Variants in VPS39 observed in about 807,000 individuals in gnomAD.
VPS39 encodes the protein vam6/Vps39-like protein.
A neutral mutation model predicts 121.0 loss-of-function variants in VPS39; 70 were observed. That is an observed-to-expected ratio of 0.58 (90% CI 0.48 to 0.71). The LOEUF is 0.71. Ranked by LOEUF, VPS39 falls within the 30% of genes least tolerant of loss-of-function variation. The pLI, the probability that VPS39 is intolerant of heterozygous loss-of-function variation, is 0.00. For synonymous variants in VPS39, 378 were observed against 398.1 expected, an observed-to-expected ratio of 0.95 and a Z score of 0.60; for missense variants, 818 against 1,051.5, an observed-to-expected ratio of 0.78 and a Z score of 3.07.
chr15:42,166,672 A>G, intron 14 of VPS39, 23 bp from the exon 15 acceptor site: 1 of 1,614,088 alleles, frequency 6.2e-7, no homozygotes. Flanking sequence ...CCCAAGAACA[A>G]GGTCATGAGC....
chr15:42,183,483 T>C (rs2049632514), intron 8 of VPS39, among the ~76,000 whole-genome samples: 1 of 152,158 alleles, frequency 6.6e-6, no homozygotes, highest in South Asian at 2.1e-4. Context: ...ATCTACCAAC[T>C]GGCCCTATTT....
At chr15:42,204,625 G>T (rs1273395662) in intron 1 of VPS39, among the ~76,000 whole-genome samples, 1 of 151,996 alleles carries the variant, frequency 6.6e-6, no homozygotes, top group Non-Finnish European at 1.5e-5. Flanking sequence ...ACTTCAGCCT[G>T]GGCGACAGAG....
At chr15:42,168,125 AT>A (rs1457733685) in intron 12 of VPS39, among the ~76,000 whole-genome samples, 1 of 152,190 alleles carries the variant, frequency 6.6e-6, no homozygotes, top group Non-Finnish European at 1.5e-5. Context: ...CTAGAACTTC[AT>A]CCAGTATGTA....
rs2140873541 is a variant in VPS39 at position 42,187,747 on chromosome 15, A to G, written c.441+11T>C. 1 of 1,613,950 alleles carries G rather than the reference A, an allele frequency of 6.2e-7. No homozygotes were observed. The highest frequency in any genetic ancestry group is 8.5e-7 in the Non-Finnish European group (1 of 1,179,814). ...CCCACCCAACCATGGACCAAGGAAC[A>G]GTGGACTTACCTGCAATTCATGAAA... On this transcript the variant is annotated intron_variant, in intron 6 of 24. Coordinates refer to ENST00000318006, the MANE Select transcript of VPS39 (RefSeq NM_015289.5).
chr15:42,196,061 G>C (rs2049930274), intron 2 of VPS39, among the ~76,000 whole-genome samples: 1 of 152,148 alleles, frequency 6.6e-6, no homozygotes. Flanking sequence ...ACAAAAACAA[G>C]AAATGGGGAA....
intron 10 of VPS39, among the ~76,000 whole-genome samples, chr15:42,177,547 T>G (rs1030013769): frequency 6.6e-6 from 1 of 152,264 alleles, no homozygotes; most frequent in Non-Finnish European, 1.5e-5. Flanking sequence ...GGTCCTCTAG[T>G]TGTTGCATTC....
intron 2 of VPS39, among the ~76,000 whole-genome samples, chr15:42,193,188 G>T (rs186120286): frequency 8.5e-4 from 129 of 152,094 alleles, no homozygotes; most frequent in South Asian, 2.7e-3. Flanking sequence ...GAACTTTTTT[G>T]GGGGTTATAT....
rs140172009 is a variant in VPS39, at chr15:42,165,067, T to G, written c.1826A>C (p.Asn609Thr). The G allele has an allele frequency of 2.2e-5, 35 of 1,614,094 alleles. No individual in the cohort carries two copies. The highest frequency in any genetic ancestry group is 2.7e-5 in the Non-Finnish European group (32 of 1,180,052). ...VWEETGSRFH[N>T]CLIQLYCEKV... ...CTCACAGTATAGCTGGATCAGGCAG[T>G]TGTGGAACCGAGAGCCTGTCTCCTC... is the stretch of plus-strand genomic sequence containing the variant. The change falls in exon 18 of 25, where the codon AAC becomes ACC. Residue 609 changes from asparagine (N) to threonine (T), a missense_variant. Physicochemically the swap from Asn to Thr is moderately conservative, Grantham distance 65. Transcript: ENST00000318006.
chr15:42,163,342 C>T lies in VPS39; in HGVS notation c.2175+8G>A. 6.2e-7 allele frequency: 1 copy of T among 1,614,210 alleles called. No individual in the cohort carries two copies. Among genetic ancestry groups the T allele is most frequent in the South Asian group, 1.1e-5 (1 of 91,088 alleles). Reference sequence around the variant, plus strand: ...ACACGTGCTCCCTGGGTCAGGGTCACTACTCACATCTTTGTTGCCATCTTT... The same window carrying T: ...ACACGTGCTCCCTGGGTCAGGGTCATTACTCACATCTTTGTTGCCATCTTT... On this transcript the variant is annotated splice_region_variant and intron_variant, in intron 21 of 24. Coordinates refer to ENST00000318006, the MANE Select transcript of VPS39 (RefSeq NM_015289.5).
chr15:42,192,679 T>TA (rs1457878332), intron 2 of VPS39, among the ~76,000 whole-genome samples: 4 of 152,178 alleles, frequency 2.6e-5, no homozygotes, highest in Non-Finnish European at 5.9e-5. Flanking sequence ...ATTCTGCTGT[T>TA]ACATTTCATG....
chr15:42,199,434 G>A, intron 2 of VPS39: 1 of 295,160 alleles, frequency 3.4e-6, no homozygotes, highest in South Asian at 2.7e-5. Context: ...CGCAGCCAGG[G>A]GGAAGTGCAC....
intron 18 of VPS39, 23 bp downstream of exon 18, chr15:42,164,973 C>T (rs763412430): frequency 5.0e-6 from 8 of 1,613,864 alleles, no homozygotes; most frequent in East Asian, 2.2e-5. Context: ...TGGGGCCAAC[C>T]GGCTTCCTAA....
chr15:42,202,035 C>T, intron 1 of VPS39, among the ~76,000 whole-genome samples: 1 of 152,148 alleles, frequency 6.6e-6, no homozygotes, highest in East Asian at 1.9e-4. Flanking sequence ...TATAACTTTT[C>T]CAGAGTCACA....
chr15:42,167,312 T>C, intron 13 of VPS39, 82 bp downstream of exon 13: 152 of 1,515,748 alleles, frequency 1.0e-4, no homozygotes, highest in Admixed American at 6.1e-4. Context: ...GGCAGGTCCC[T>C]CAGGGTCTAG....
chr15:42,180,789 T>C (rs1459540620), intron 8 of VPS39, among the ~76,000 whole-genome samples: 5 of 152,174 alleles, frequency 3.3e-5, no homozygotes, highest in Non-Finnish European at 7.3e-5. Context: ...CTGTGCTATA[T>C]CAAGAATCCG....
chr15:42,191,986 C>G (rs1219321335), intron 2 of VPS39: 3 of 1,479,008 alleles, frequency 2.0e-6, no homozygotes, highest in African/African-American at 1.4e-5. Flanking sequence ...ACTATTCTAA[C>G]TAAGTTCTGT....
rs2049175573 is a variant in VPS39 at position 42,163,349 on chromosome 15, C to T, written c.2175+1G>A. ...CTCCCTGGGTCAGGGTCACTACTCA[C>T]ATCTTTGTTGCCATCTTTGTTTCGG... is the stretch of plus-strand genomic sequence containing the variant. On this transcript the variant is annotated splice_donor_variant, in intron 21 of 24. Transcript: ENST00000318006. LOFTEE classifies it high-confidence loss of function. The T allele has an allele frequency of 1.2e-6, 2 of 1,614,108 alleles. No individual in the cohort carries two copies. Among genetic ancestry groups the T allele is most frequent in the Non-Finnish European group, 1.7e-6 (2 of 1,180,040 alleles).
At chr15:42,196,309 A>G (rs556946860) in intron 2 of VPS39, among the ~76,000 whole-genome samples, 1 of 152,264 alleles carries the variant, frequency 6.6e-6, no homozygotes, top group East Asian at 1.9e-4. Context: ...ACAAAAGCCA[A>G]AATTGACAAA....
rs557089189 is a variant in VPS39 at position 42,183,662 on chromosome 15, T to C, written c.718+855A>G. ...CAAACTCCCTGCCTGACCTAGTCCA[T>C]AGTTCAGTCTTACCTATGTAATGAA... On this transcript the variant is annotated intron_variant, in intron 8 of 24. Coordinates refer to ENST00000318006, the MANE Select transcript of VPS39 (RefSeq NM_015289.5). Among the ~76,000 whole-genome samples the C allele has an allele frequency of 7.2e-5, 11 of 152,344 alleles. No homozygotes were observed. The South Asian group carries it at 2.3e-3, about 32-fold the overall frequency.
Sources: allele counts gnomAD v4.1 joint callset (sites outside exome capture counted in the v4.1 genomes callset), GRCh38; gene constraint gnomAD v4.1.1; transcripts MANE v1.5; gene names NCBI Gene and HGNC (gene_info 2026-07-23, HGNC 2026-07-21).